Variants in RAI1 observed in about 807,000 individuals in gnomAD.
RAI1 encodes the protein retinoic acid induced 1.
RAI1 carries 9 observed loss-of-function variants against 123.8 expected under a neutral mutation model. The ratio of observed to expected loss-of-function variants is 0.07; its 90% CI spans 0.04 to 0.13. The LOEUF (loss-of-function observed/expected upper bound fraction) is 0.13. Among genes scored for constraint, RAI1 ranks in the 10% least tolerant of loss-of-function variants. RAI1 has a pLI of 1.00. For missense variants in RAI1, 2,256 were observed against 2,545.8 expected (o/e 0.89, Z 2.45); for synonymous variants, 1,231 against 1,127.3 (o/e 1.09, Z -1.84).
intron 2 of RAI1, among the ~76,000 whole-genome samples, chr17:17,767,254 C>T: frequency 6.6e-6 from 1 of 152,146 alleles, no homozygotes; most frequent in Admixed American, 6.5e-5. Context: ...ACAGCAGGCC[C>T]AGAATTATTG....
At chr17:17,744,870 G>C (rs1916770484) in intron 2 of RAI1, among the ~76,000 whole-genome samples, 1 of 151,906 alleles carries the variant, frequency 6.6e-6, no homozygotes, top group Admixed American at 6.6e-5. Flanking sequence ...TTCCCTAGAG[G>C]TCTTTACTTT....
chr17:17,779,718 C>A (rs918569461), intron 2 of RAI1, among the ~76,000 whole-genome samples: 18 of 150,104 alleles, frequency 1.2e-4, no homozygotes, highest in Non-Finnish European at 2.1e-4. Flanking sequence ...AAGTGGGTAG[C>A]GGGAAATCAG....
intron 2 of RAI1, chr17:17,778,731 T>C (rs1174816317): frequency 4.4e-6 from 2 of 456,572 alleles, no homozygotes; most frequent in African/African-American, 4.0e-5. Context: ...CCTGCGATTC[T>C]CCATGCTGGA....
chr17:17,799,174 G>A lies in RAI1; in HGVS notation c.5565+661G>A, dbSNP rs2032374681. Among the ~76,000 whole-genome samples, 1 of 152,220 alleles carries A rather than the reference G, an allele frequency of 6.6e-6. No homozygotes were observed. Among genetic ancestry groups the A allele is most frequent in the African/African-American group, 2.4e-5 (1 of 41,452 alleles). On this transcript the variant is annotated intron_variant, in intron 3 of 5. Transcript: ENST00000353383. This position sits in a 1 kb window ranked among gnomAD's most constrained non-coding sequence, Gnocchi z 4.5. The stretch of plus-strand genomic sequence containing the variant: ...ATGAGAGAGGGAACTCTGGGGCTGT[G>A]CCGCCATGCACCTTTGGGGCTGTGA...
At position 17,793,728 on chromosome 17, in the gene RAI1, G is replaced by T. The variant is rs747275238; in HGVS notation, c.780G>T (p.Gly260=). Residue 260 remains glycine, a synonymous_variant, in exon 3 of 6, where the codon GGG becomes GGT. Coordinates refer to ENST00000353383, the MANE Select transcript of RAI1 (RefSeq NM_030665.4). ...PLTASSSLAP[G]QRVQNLHAYQ... ...CTGCCAGCTCCAGCCTGGCCCCGGG[G>T]CAGCGGGTCCAGAATCTTCATGCCT... 6.2e-7 allele frequency: 1 copy of T among 1,612,882 alleles called. No homozygotes were observed. Among genetic ancestry groups the T allele is most frequent in the Non-Finnish European group, 8.5e-7 (1 of 1,180,002 alleles).
chr17:17,761,458 G>A (rs577734424), intron 2 of RAI1, among the ~76,000 whole-genome samples: 15 of 152,160 alleles, frequency 9.9e-5, no homozygotes, highest in East Asian at 7.7e-4. Context: ...CAGCAGGCTC[G>A]CTGGGAGGCT....
chr17:17,715,318 G>A lies in RAI1; in HGVS notation c.-148-8710G>A, dbSNP rs118072798. Among the ~76,000 whole-genome samples, 336 of 152,336 alleles carry A rather than the reference G, an allele frequency of 2.2e-3. 1 individual carries two copies. Among genetic ancestry groups the A allele is most frequent in the Non-Finnish European group, 3.6e-3 (242 of 68,036 alleles). On this transcript the variant is annotated intron_variant, in intron 1 of 5. Coordinates refer to ENST00000353383, the MANE Select transcript of RAI1 (RefSeq NM_030665.4). Reference sequence around the variant, plus strand: ...CAGCCCCATGACAAGCTGTGAGACCGGGCAGTGGTTTGGGCTCCACCCAGG... The same window carrying A: ...CAGCCCCATGACAAGCTGTGAGACCAGGCAGTGGTTTGGGCTCCACCCAGG...
chr17:17,751,052 C>T (rs1445994761), intron 2 of RAI1, among the ~76,000 whole-genome samples: 1 of 152,204 alleles, frequency 6.6e-6, no homozygotes, highest in East Asian at 1.9e-4. Context: ...CGTCGACTTC[C>T]GGTTTTGTCT....
Position 17,806,289 on chromosome 17 carries a change from A to G in RAI1, c.5659+2440A>G, listed in dbSNP as rs571444286. On this transcript the variant is annotated intron_variant, in intron 4 of 5. Transcript: ENST00000353383. ...GGGACTTGTATACTAGGCTTTGAGCAAGAGAACTTTTATTTCAGATAAAAT... is the reference window on the plus strand; with the variant it reads ...GGGACTTGTATACTAGGCTTTGAGCGAGAGAACTTTTATTTCAGATAAAAT... Among the ~76,000 whole-genome samples, 27 of 152,370 alleles carry G rather than the reference A, an allele frequency of 1.8e-4. No individual in the cohort carries two copies. The South Asian group carries it at 5.4e-3, about 30-fold the overall frequency.
In RAI1 at chr17:17,809,936, T is replaced by A. The variant is rs772995749; in HGVS notation, c.5710-34T>A. The A allele has an allele frequency of 6.6e-5, 103 of 1,559,110 alleles. No individual in the cohort carries two copies. Among genetic ancestry groups the A allele is most frequent in the Admixed American group, 9.6e-5 (5 of 52,204 alleles). On this transcript the variant is annotated intron_variant, in intron 5 of 5. Coordinates refer to ENST00000353383, the MANE Select transcript of RAI1 (RefSeq NM_030665.4). The surrounding 1 kb of genome is among the most constrained non-coding windows in gnomAD (Gnocchi z 4.9). ...GGCCTATGGACTGTGAAGTCCGAGG[T>A]CGTCGGTAACTGGCGGGCGGGCGTC...
chr17:17,750,872 G>A (rs1158145481), intron 2 of RAI1, among the ~76,000 whole-genome samples: 1 of 152,146 alleles, frequency 6.6e-6, no homozygotes, highest in Non-Finnish European at 1.5e-5. Flanking sequence ...TGTTTTCTCT[G>A]GTTTTGTGCT....
chr17:17,754,768 C>G (rs1413147529), intron 2 of RAI1, among the ~76,000 whole-genome samples: 1 of 152,178 alleles, frequency 6.6e-6, no homozygotes, highest in East Asian at 1.9e-4. Context: ...CACCAGGCCT[C>G]AACTTGGGTT....
chr17:17,744,516 C>T (rs1385163451), intron 2 of RAI1, among the ~76,000 whole-genome samples: 1 of 152,090 alleles, frequency 6.6e-6, no homozygotes, highest in Non-Finnish European at 1.5e-5. Flanking sequence ...AGGCCGGGCA[C>T]GGTGGGTGGC....
At chr17:17,716,358 C>T (rs935719268) in intron 1 of RAI1, among the ~76,000 whole-genome samples, 1 of 152,162 alleles carries the variant, frequency 6.6e-6, no homozygotes, top group Non-Finnish European at 1.5e-5. Flanking sequence ...GAGAAATCTC[C>T]GTGTTCTTGC....
At position 17,800,182 on chromosome 17, in the gene RAI1, C is replaced by CTCTCTCTCTCTG. The variant is rs2032408295; in HGVS notation, c.5565+1680_5565+1681insGTCTCTCTCTCT. ...TCTCCTGCTTTCTGTCTCTCTCTGT[C>CTCTCTCTCTCTG]TCTCTCTCTCTCTCTCTCTCTCTCT... On this transcript the variant is annotated intron_variant, in intron 3 of 5. Coordinates refer to ENST00000353383, the MANE Select transcript of RAI1 (RefSeq NM_030665.4). This position sits in a 1 kb window ranked among gnomAD's most constrained non-coding sequence, Gnocchi z 4.7. Among the ~76,000 whole-genome samples the CTCTCTCTCTCTG allele has an allele frequency of 3.1e-5, 1 of 31,874 alleles. No homozygotes were observed. The highest frequency in any genetic ancestry group is 2.3e-4 in the African/African-American group (1 of 4,302). 20.9% of individuals were successfully genotyped at this position (31,874 alleles called of 152,430 possible). A position where few individuals can be genotyped will look rare whatever the true frequency, so the allele number is the denominator to read the frequency against.
In RAI1 at chr17:17,811,448, G is replaced by A. The variant is rs1262503462; in HGVS notation, c.*1467G>A. 1 of 223,412 alleles carries A rather than the reference G, an allele frequency of 4.5e-6. No homozygotes were observed. Among genetic ancestry groups the A allele is most frequent in the African/African-American group, 2.5e-5 (1 of 40,240 alleles). 13.8% of individuals were successfully genotyped at this position (223,412 alleles called of 1,614,324 possible). A position where few individuals can be genotyped will look rare whatever the true frequency, so the allele number is the denominator to read the frequency against. On this transcript the variant is annotated 3_prime_UTR_variant, in exon 6 of 6. Coordinates refer to ENST00000353383, the MANE Select transcript of RAI1 (RefSeq NM_030665.4). ...TCAATAAAGATACAACGATTGTTTT[G>A]GAAAATCTGCAGCCCGTGGATTCCG...
intron 2 of RAI1, among the ~76,000 whole-genome samples, chr17:17,737,931 C>T (rs1916489951): frequency 6.6e-6 from 1 of 152,180 alleles, no homozygotes; most frequent in African/African-American, 2.4e-5. Context: ...AAGTGTAAGG[C>T]AGGCACAGAG....
At chr17:17,742,304 C>T (rs1265024725) in intron 2 of RAI1, among the ~76,000 whole-genome samples, 2 of 152,204 alleles carry the variant, frequency 1.3e-5, no homozygotes, top group Non-Finnish European at 2.9e-5. Context: ...CTGGCAGAGG[C>T]TCCCAAGACT....
intron 2 of RAI1, among the ~76,000 whole-genome samples, chr17:17,787,199 C>T (rs2031855032): frequency 1.3e-5 from 2 of 152,172 alleles, no homozygotes; most frequent in Admixed American, 6.5e-5. Flanking sequence ...GACCCCTGTG[C>T]CAGGGTCTGG....
Sources: gnomAD v4.1 joint callset for allele counts (sites outside exome capture counted in the v4.1 genomes callset) on GRCh38, gnomAD v4.1.1 for gene constraint, Gnocchi (gnomAD v3.1) non-coding constraint, MANE v1.5 for transcripts, NCBI Gene and HGNC (gene_info 2026-07-23, HGNC 2026-07-21) for gene names.